Variants in GLT1D1 observed in about 807,000 individuals in gnomAD.
GLT1D1 encodes the protein glycosyltransferase 1 domain containing 1.
GLT1D1 carries 21 observed loss-of-function variants against 28.7 expected under a neutral mutation model. The observed-to-expected ratio is 0.73, with a 90% CI of 0.52 to 1.05. The LOEUF (loss-of-function observed/expected upper bound fraction) is 1.05. Ranked by LOEUF, GLT1D1 falls within the 50% of genes least tolerant of loss-of-function variation. The pLI, the probability that GLT1D1 is intolerant of heterozygous loss-of-function variation, is 0.00. For missense variants in GLT1D1, 343 were observed against 330.6 expected, an observed-to-expected ratio of 1.04 and a Z score of -0.29; for synonymous variants, 147 against 124.8, an observed-to-expected ratio of 1.18 and a Z score of -1.19.
At chr12:128,861,150 C>A (rs1397109002) in intron 1 of GLT1D1, among the ~76,000 whole-genome samples, 2 of 152,208 alleles carry the variant, frequency 1.3e-5, no homozygotes, top group African/African-American at 4.8e-5. Context: ...ACCAGGGCGA[C>A]AAACTGCTGC....
chr12:128,864,050 G>C (rs1956451901), intron 1 of GLT1D1: 4 of 505,632 alleles, frequency 7.9e-6, no homozygotes, highest in Admixed American at 3.5e-5. Flanking sequence ...GGGACTTCCA[G>C]GGGCCTGGCT....
intron 4 of GLT1D1, among the ~76,000 whole-genome samples, chr12:128,904,602 T>C (rs938719536): frequency 1.3e-5 from 2 of 150,782 alleles, no homozygotes; most frequent in Non-Finnish European, 1.5e-5. Context: ...GTCCAGGTGA[T>C]GGTTAAAGCA....
At chr12:128,895,153 G>T (rs1869482387) in intron 3 of GLT1D1, among the ~76,000 whole-genome samples, 1 of 150,974 alleles carries the variant, frequency 6.6e-6, no homozygotes. Flanking sequence ...AAGGAGTCCT[G>T]GTTCCTTTAT....
chr12:128,908,095 A>AT (rs1871069932), intron 4 of GLT1D1, among the ~76,000 whole-genome samples: 1 of 151,894 alleles, frequency 6.6e-6, no homozygotes, highest in Non-Finnish European at 1.5e-5. Context: ...TTAACTATTT[A>AT]TTTTTTAGAC....
chr12:128,953,742 G>A lies in GLT1D1; in HGVS notation c.541-3803G>A, dbSNP rs1288653894. On this transcript the variant is annotated intron_variant, in intron 6 of 7. Coordinates refer to ENST00000281703, the MANE Select transcript of GLT1D1 (RefSeq NM_144669.3). ...GTGCGCACTAACAATGACTAAAATAGCTTTTTTTTTTTTTTGTCTCCGAAA... is the reference window on the plus strand; with the variant it reads ...GTGCGCACTAACAATGACTAAAATAACTTTTTTTTTTTTTTGTCTCCGAAA... Among the ~76,000 whole-genome samples the A allele has an allele frequency of 1.4e-4, 5 of 36,836 alleles. No individual in the cohort carries two copies. The East Asian group carries it at 3.2e-3, about 23-fold the overall frequency. 24.2% of individuals were successfully genotyped at this position (36,836 alleles called of 152,430 possible).
chr12:128,972,206 A>G (rs1276799945), intron 7 of GLT1D1, among the ~76,000 whole-genome samples: 1 of 152,102 alleles, frequency 6.6e-6, no homozygotes, highest in African/African-American at 2.4e-5. Flanking sequence ...GCATTGGGAG[A>G]CATTATTTCT....
At chr12:128,940,309 C>T (rs972952930) in intron 4 of GLT1D1, among the ~76,000 whole-genome samples, 13 of 152,182 alleles carry the variant, frequency 8.5e-5, no homozygotes, top group Admixed American at 2.0e-4. Context: ...CATAGTTTTA[C>T]GAATTCAGCC....
At chr12:128,906,881 A>C (rs1288395038) in intron 4 of GLT1D1, 1 of 702,422 alleles carries the variant, frequency 1.4e-6, no homozygotes, top group Admixed American at 2.0e-5. Flanking sequence ...TTACTCATCA[A>C]AATTCTTTTG....
At chr12:128,885,405 T>C (rs574827594) in intron 2 of GLT1D1, among the ~76,000 whole-genome samples, 1 of 151,968 alleles carries the variant, frequency 6.6e-6, no homozygotes, top group Non-Finnish European at 1.5e-5. Context: ...GTATTTTTAG[T>C]AGAGATGGGG....
chr12:128,873,976 CT>C, intron 1 of GLT1D1, among the ~76,000 whole-genome samples: 2 of 89,506 alleles, frequency 2.2e-5, no homozygotes, highest in African/African-American at 9.1e-5. Context: ...TTTTTCTTTT[CT>C]TTTCTCCTTC....
At chr12:128,945,145 C>T (rs752828578) in intron 4 of GLT1D1, 181 bp from the exon 9 acceptor site, 222 of 737,918 alleles carry the variant, frequency 3.0e-4, no homozygotes, top group Non-Finnish European at 4.9e-4. Flanking sequence ...CGACACAGTG[C>T]CCTTGCCCGA....
At chr12:128,918,510 A>G (rs1028769550) in intron 4 of GLT1D1, among the ~76,000 whole-genome samples, 6 of 152,230 alleles carry the variant, frequency 3.9e-5, no homozygotes, top group African/African-American at 1.4e-4. Context: ...AAGACTTGAA[A>G]CAAAGCCTCT....
chr12:128,920,512 G>T (rs939432051), intron 4 of GLT1D1, among the ~76,000 whole-genome samples: 1 of 152,014 alleles, frequency 6.6e-6, no homozygotes, highest in Non-Finnish European at 1.5e-5. Context: ...TGAGATTGCG[G>T]CATTGCACTC....
At chr12:128,957,806 G>A (rs1376606502) in intron 7 of GLT1D1, among the ~76,000 whole-genome samples, 163 bp downstream of exon 11, 1 of 152,230 alleles carries the variant, frequency 6.6e-6, no homozygotes, top group Non-Finnish European at 1.5e-5. Flanking sequence ...CTGCCTGGGT[G>A]TACCACTAGC....
At chr12:128,881,814 C>G (rs1360644533) in intron 2 of GLT1D1, among the ~76,000 whole-genome samples, 1 of 151,328 alleles carries the variant, frequency 6.6e-6, no homozygotes, top group Admixed American at 6.6e-5. Context: ...CTTTTAATTG[C>G]GTAACCTATT....
At chr12:128,973,179 GTTTTTTTTTTTTTTTT>G (rs61169176) in intron 7 of GLT1D1, among the ~76,000 whole-genome samples, 2 of 50,958 alleles carry the variant, frequency 3.9e-5, no homozygotes, top group Non-Finnish European at 4.0e-5. Context: ...TGTTTGCTTG[GTTTTTTTTTTTTTTTT>G]TTTTTTTTTT....
At chr12:128,972,608 C>T (rs539811180) in intron 7 of GLT1D1, among the ~76,000 whole-genome samples, 2 of 152,346 alleles carry the variant, frequency 1.3e-5, no homozygotes, top group South Asian at 4.1e-4. Flanking sequence ...CTGTTGAATG[C>T]TTGCTCTGCA....
At chr12:128,930,638 C>T (rs753520970) in intron 4 of GLT1D1, among the ~76,000 whole-genome samples, 3 of 152,138 alleles carry the variant, frequency 2.0e-5, no homozygotes, top group African/African-American at 2.4e-5. Flanking sequence ...ATCATCTGGT[C>T]GCAATGTCTG....
chr12:128,899,227 A>G lies in GLT1D1; in HGVS notation c.324-9A>G. The G allele has an allele frequency of 6.2e-7, 1 of 1,608,154 alleles. No individual in the cohort carries two copies. Among genetic ancestry groups the G allele is most frequent in the African/African-American group, 1.3e-5 (1 of 74,906 alleles). On this transcript the variant is annotated splice_polypyrimidine_tract_variant and intron_variant, in intron 3 of 7. Transcript: ENST00000281703. ...CTAATTGTTTCTATTATTTTTGTTC[A>G]TTTACTAGATTTGCTGTCGCTTTCA... is the stretch of plus-strand genomic sequence containing the variant.
Sources: allele counts gnomAD v4.1 joint callset (sites outside exome capture counted in the v4.1 genomes callset), GRCh38; gene constraint gnomAD v4.1.1; transcripts MANE v1.5; gene names NCBI Gene and HGNC (gene_info 2026-07-23, HGNC 2026-07-21).